Variants in DACH1 observed in about 807,000 individuals in gnomAD.
DACH1 encodes the protein dachshund homolog 1.
DACH1 carries 12 observed loss-of-function variants against 54.2 expected under a neutral mutation model. The observed-to-expected ratio is 0.22, with a 90% CI of 0.14 to 0.36. The LOEUF is 0.36. DACH1 is among the 10% of genes least tolerant of loss of function. The pLI is 1.00. For missense variants in DACH1, 805 were observed against 929.8 expected (o/e 0.87, Z 1.75); for synonymous variants, 386 against 366.2 (o/e 1.05, Z -0.62).
chr13:71,859,777 T>C (rs534482339), intron 1 of DACH1, among the ~76,000 whole-genome samples: 1 of 152,056 alleles, frequency 6.6e-6, no homozygotes, highest in South Asian at 2.1e-4. Flanking sequence ...AACTATACTA[T>C]CCTAATGAAG....
intron 1 of DACH1, among the ~76,000 whole-genome samples, chr13:71,791,507 A>G (rs1314916818): frequency 2.6e-5 from 4 of 152,170 alleles, no homozygotes; most frequent in South Asian, 2.1e-4. Context: ...CAGCTTCCCA[A>G]GTAGCTGGGC....
chr13:71,605,345 A>G (rs1874795455), intron 3 of DACH1, among the ~76,000 whole-genome samples: 1 of 151,844 alleles, frequency 6.6e-6, no homozygotes, highest in Non-Finnish European at 1.5e-5. Flanking sequence ...ATGATATTAT[A>G]TTTGAAAGAA....
intron 1 of DACH1, among the ~76,000 whole-genome samples, chr13:71,811,272 T>C (rs1316274067): frequency 6.6e-6 from 1 of 152,152 alleles, no homozygotes; most frequent in Non-Finnish European, 1.5e-5. Context: ...CAGGAAGATC[T>C]AAGCAAAATT....
Position 71,630,695 on chromosome 13 carries a change from T to C in DACH1, c.987A>G (p.Ala329=), listed in dbSNP as rs1375563139. ...TAGCTGCATTGGTAGCAGCAGCAGC[T>C]GCTGCAGCGGCTGCTGTCAGACCTT... ...PPTGLTAAAA[A]AAAATNAAIA... Residue 329 remains alanine, a synonymous_variant, in exon 3 of 11, where the codon GCA becomes GCG. Coordinates refer to ENST00000613252, the MANE Select transcript of DACH1 (RefSeq NM_080759.6). The C allele has an allele frequency of 6.9e-6, 11 of 1,590,186 alleles. No individual in the cohort carries two copies. The highest frequency in any genetic ancestry group is 1.4e-5 in the African/African-American group (1 of 73,400).
At chr13:71,673,614 G>C (rs1348641707) in intron 2 of DACH1, among the ~76,000 whole-genome samples, 1 of 151,838 alleles carries the variant, frequency 6.6e-6, no homozygotes, top group Non-Finnish European at 1.5e-5. Context: ...CTGTTGGGGG[G>C]TGTGGGGCTG....
rs1881499189 is a variant in DACH1 at position 71,691,981 on chromosome 13, G to GAAAC, written c.849-10075_849-10072dup. On this transcript the variant is annotated intron_variant, in intron 1 of 10. Coordinates refer to ENST00000613252, the MANE Select transcript of DACH1 (RefSeq NM_080759.6). ...AGGAGAGGAGGGGGTGCTAAGTAAC[G>GAAAC]AAACAGCCATAGAGGCATAGCCCCC... 2.0e-5 allele frequency among the ~76,000 whole-genome samples: 3 copies of GAAAC among 149,170 alleles called. No individual in the cohort carries two copies. The East Asian group carries it at 5.9e-4, about 30-fold the overall frequency.
At chr13:71,494,255 T>C (rs1371028945) in intron 6 of DACH1, among the ~76,000 whole-genome samples, 1 of 152,102 alleles carries the variant, frequency 6.6e-6, no homozygotes, top group Non-Finnish European at 1.5e-5. Flanking sequence ...TTTTGATACT[T>C]TGAATTTTGA....
chr13:71,447,927 G>C (rs1003647532), intron 10 of DACH1, among the ~76,000 whole-genome samples: 2 of 152,074 alleles, frequency 1.3e-5, no homozygotes, highest in African/African-American at 4.8e-5. Flanking sequence ...CACTGTGAAA[G>C]TCATGTAAAA....
At chr13:71,783,529 C>A (rs1886466843) in intron 1 of DACH1, among the ~76,000 whole-genome samples, 1 of 151,988 alleles carries the variant, frequency 6.6e-6, no homozygotes, top group Non-Finnish European at 1.5e-5. Flanking sequence ...TAAGAAATAT[C>A]TCCTGTACTC....
intron 10 of DACH1, among the ~76,000 whole-genome samples, chr13:71,441,379 G>A (rs1873993617): frequency 6.6e-6 from 1 of 151,950 alleles, no homozygotes; most frequent in African/African-American, 2.4e-5. Flanking sequence ...GCACTAATAA[G>A]AAATAGGAAA....
intron 10 of DACH1, among the ~76,000 whole-genome samples, chr13:71,462,483 A>G (rs545761208): frequency 1.3e-5 from 2 of 151,938 alleles, no homozygotes; most frequent in South Asian, 2.1e-4. Flanking sequence ...TTCCAGCTCA[A>G]TCATGCCTCA....
chr13:71,736,546 T>C (rs1884128214), intron 1 of DACH1, among the ~76,000 whole-genome samples: 2 of 152,196 alleles, frequency 1.3e-5, no homozygotes, highest in Admixed American at 1.3e-4. Context: ...TGGGGCCCGA[T>C]ATACTTGAAA....
chr13:71,682,459 T>C (rs781234462), intron 1 of DACH1, among the ~76,000 whole-genome samples: 1 of 152,186 alleles, frequency 6.6e-6, no homozygotes, highest in Non-Finnish European at 1.5e-5. Flanking sequence ...CGATGATATG[T>C]TTTATTACTT....
intron 2 of DACH1, among the ~76,000 whole-genome samples, chr13:71,660,348 C>T (rs1186876951): frequency 6.6e-6 from 1 of 152,022 alleles, no homozygotes; most frequent in East Asian, 1.9e-4. Flanking sequence ...TTTGAACATA[C>T]AGCATGTCAA....
chr13:71,493,985 T>C (rs749291560), intron 6 of DACH1, among the ~76,000 whole-genome samples: 1 of 152,192 alleles, frequency 6.6e-6, no homozygotes, highest in Non-Finnish European at 1.5e-5. Context: ...TGTTTTCTTT[T>C]ATTAAATTAG....
At chr13:71,489,300 T>C (rs1479052199) in intron 6 of DACH1, 152 bp from the exon 7 acceptor site, 2 of 813,202 alleles carry the variant, frequency 2.5e-6, no homozygotes, top group African/African-American at 3.5e-5. Context: ...TTTTCTTTAA[T>C]GAAAAAGCTG....
chr13:71,847,790 T>G (rs530752392), intron 1 of DACH1, among the ~76,000 whole-genome samples: 7 of 152,170 alleles, frequency 4.6e-5, no homozygotes, highest in Non-Finnish European at 8.8e-5. Context: ...CAAGGTGTAT[T>G]AACATAAGGC....
intron 1 of DACH1, among the ~76,000 whole-genome samples, chr13:71,844,044 G>A (rs1281350514): frequency 6.6e-6 from 1 of 152,110 alleles, no homozygotes; most frequent in Non-Finnish European, 1.5e-5. Context: ...AATGAAAATG[G>A]CACTACTTCC....
At chr13:71,816,289 AG>A (rs1474162204) in intron 1 of DACH1, among the ~76,000 whole-genome samples, 2 of 152,090 alleles carry the variant, frequency 1.3e-5, no homozygotes, top group Admixed American at 6.5e-5. Flanking sequence ...CTGTTAGATC[AG>A]GGGCATGTGA....
Sources: gnomAD v4.1 joint callset for allele counts (sites outside exome capture counted in the v4.1 genomes callset) on GRCh38, gnomAD v4.1.1 for gene constraint, MANE v1.5 for transcripts, NCBI Gene and HGNC (gene_info 2026-07-23, HGNC 2026-07-21) for gene names.